SLC16A7: variants seen among roughly 807,000 people sequenced by gnomAD.
SLC16A7 encodes solute carrier family 16 member 7, also known as monocarboxylate transporter 2.
A neutral mutation model predicts 34.9 loss-of-function variants in SLC16A7; 33 were observed. The ratio of observed to expected loss-of-function variants is 0.94; its 90% CI spans 0.72 to 1.26. The LOEUF (loss-of-function observed/expected upper bound fraction) is 1.26. Among genes scored for constraint, SLC16A7 ranks in the 50% most tolerant of loss-of-function variants. The probability of loss-of-function intolerance (pLI) is 0.00; values close to 1 mark genes in which losing one functional copy is unlikely to be tolerated. For synonymous variants in SLC16A7, 201 were observed against 206.6 expected (o/e 0.97, Z 0.23); for missense variants, 573 against 578.1 (o/e 0.99, Z 0.09).
intron 2 of SLC16A7, among the ~76,000 whole-genome samples, chr12:59,675,882 GT>G (rs1345644058): frequency 6.6e-6 from 1 of 151,980 alleles, no homozygotes; most frequent in Non-Finnish European, 1.5e-5. Context: ...ACTATTATGT[GT>G]TTACTAGTTT....
At chr12:59,766,833 A>C (rs1023164306) in intron 3 of SLC16A7, among the ~76,000 whole-genome samples, 7 of 152,116 alleles carry the variant, frequency 4.6e-5, no homozygotes, top group Non-Finnish European at 1.0e-4. Context: ...TATCAGGATG[A>C]TGCTGGCCTC....
At chr12:59,706,065 A>G (rs1303049163) in intron 3 of SLC16A7, among the ~76,000 whole-genome samples, 1 of 152,174 alleles carries the variant, frequency 6.6e-6, no homozygotes, top group East Asian at 1.9e-4. Flanking sequence ...AAGGAAATAT[A>G]TACAATAGCT....
intron 1 of SLC16A7, among the ~76,000 whole-genome samples, chr12:59,612,936 C>T (rs558260694): frequency 6.6e-6 from 1 of 152,342 alleles, no homozygotes; most frequent in South Asian, 2.1e-4. Context: ...CTGTCTTCTT[C>T]TGAGCCCTCC....
chr12:59,714,331 G>A (rs896580223), intron 3 of SLC16A7, among the ~76,000 whole-genome samples: 2 of 152,224 alleles, frequency 1.3e-5, no homozygotes, highest in East Asian at 3.9e-4. Flanking sequence ...ATGCTACCAT[G>A]TTAGTCTGCT....
At position 59,723,883 on chromosome 12, in the gene SLC16A7, C is replaced by A. The variant is rs1324026695; in HGVS notation, c.217+18865C>A. Reference sequence around the variant, plus strand: ...TTTTTTGTTTCCATTGCCTTTTTTTCTTCCATGTGAGAAGTATATTCCCAC... The same window carrying A: ...TTTTTTGTTTCCATTGCCTTTTTTTATTCCATGTGAGAAGTATATTCCCAC... On this transcript the variant is annotated intron_variant, in intron 3 of 5. Coordinates refer to ENST00000547379, the MANE Select transcript of SLC16A7 (RefSeq NM_001270623.2). 2.0e-5 allele frequency among the ~76,000 whole-genome samples: 3 copies of A among 151,518 alleles called. No individual in the cohort carries two copies. The East Asian group carries it at 5.8e-4, about 29-fold the overall frequency.
chr12:59,747,378 G>A (rs973479774), intron 3 of SLC16A7, among the ~76,000 whole-genome samples: 15 of 152,116 alleles, frequency 9.9e-5, no homozygotes, highest in African/African-American at 3.1e-4. Context: ...AAAATATATT[G>A]TACAGAAAAT....
At chr12:59,710,125 G>C (rs1488291186) in intron 3 of SLC16A7, among the ~76,000 whole-genome samples, 2 of 151,596 alleles carry the variant, frequency 1.3e-5, no homozygotes, top group Admixed American at 6.6e-5. Flanking sequence ...ATGTACAAGT[G>C]CTACTCTATC....
At chr12:59,671,460 C>G (rs933304309) in intron 2 of SLC16A7, among the ~76,000 whole-genome samples, 1 of 151,990 alleles carries the variant, frequency 6.6e-6, no homozygotes, top group Non-Finnish European at 1.5e-5. Context: ...TTCTCATGCA[C>G]AACTGTGCAC....
chr12:59,771,727 T>C (rs1209825075), intron 4 of SLC16A7, among the ~76,000 whole-genome samples: 1 of 152,202 alleles, frequency 6.6e-6, no homozygotes, highest in Admixed American at 6.5e-5. Context: ...CTTATTTTCA[T>C]GACTTATCTG....
intron 2 of SLC16A7, chr12:59,689,297 C>G (rs1039833020): frequency 2.0e-5 from 3 of 151,940 alleles, no homozygotes; most frequent in African/African-American, 7.2e-5. Flanking sequence ...CTGAGACTAG[C>G]TGACAAAGTG....
At chr12:59,667,008 C>G (rs1869263494) in intron 2 of SLC16A7, among the ~76,000 whole-genome samples, 1 of 151,998 alleles carries the variant, frequency 6.6e-6, no homozygotes, top group African/African-American at 2.4e-5. Context: ...GCTGGGGAGG[C>G]CTTAGAATCA....
At chr12:59,656,377 A>G (rs543159359) in intron 2 of SLC16A7, among the ~76,000 whole-genome samples, 5 of 152,112 alleles carry the variant, frequency 3.3e-5, no homozygotes, top group African/African-American at 1.2e-4. Context: ...CATCACTAGG[A>G]TCCTTATAAA....
At chr12:59,650,537 C>G (rs1373530938) in intron 1 of SLC16A7, among the ~76,000 whole-genome samples, 3 of 152,046 alleles carry the variant, frequency 2.0e-5, no homozygotes, top group African/African-American at 4.8e-5. Context: ...GAGATGTTAC[C>G]ATTATCAAAG....
intron 2 of SLC16A7, among the ~76,000 whole-genome samples, chr12:59,656,462 G>A (rs1250527206): frequency 1.3e-5 from 2 of 151,928 alleles, no homozygotes; most frequent in Non-Finnish European, 2.9e-5. Context: ...GCAGCCAGAA[G>A]CCAAAGAATG....
chr12:59,627,155 C>T (rs1201636600), intron 1 of SLC16A7, among the ~76,000 whole-genome samples: 1 of 151,752 alleles, frequency 6.6e-6, no homozygotes, highest in African/African-American at 2.4e-5. Context: ...TTACAATGTG[C>T]TACGCTTTAT....
intron 1 of SLC16A7, among the ~76,000 whole-genome samples, chr12:59,642,231 C>T (rs1418159177): frequency 1.3e-5 from 2 of 151,946 alleles, no homozygotes; most frequent in Admixed American, 6.6e-5. Flanking sequence ...GACCCTCAGG[C>T]TTGGAATTCC....
intron 2 of SLC16A7, among the ~76,000 whole-genome samples, chr12:59,663,857 G>C (rs763896686): frequency 1.6e-4 from 25 of 151,918 alleles, no homozygotes; most frequent in East Asian, 1.9e-4. Flanking sequence ...TTATTACCTG[G>C]TTATTATTAT....
rs188802904 is a variant in SLC16A7, at chr12:59,783,049, G to A, written c.*3370G>A. On this transcript the variant is annotated 3_prime_UTR_variant, in exon 6 of 6. Transcript: ENST00000547379. ...GTACAACATGACAATCAAGAATATA[G>A]AAAAGAAGACTAAAAGATATATGAT... 6.6e-5 allele frequency: 10 copies of A among 152,134 alleles called. No individual in the cohort carries two copies. The highest frequency in any genetic ancestry group is 2.2e-4 in the African/African-American group (9 of 41,540). The allele number at this position is 152,134 out of a possible 1,614,324, so 9.4% of individuals were successfully genotyped here.
intron 3 of SLC16A7, among the ~76,000 whole-genome samples, chr12:59,716,348 CGA>C (rs1159966969): frequency 6.6e-6 from 1 of 152,014 alleles, no homozygotes; most frequent in Non-Finnish European, 1.5e-5. Flanking sequence ...AATAGAACTC[CGA>C]TCTACGTCAG....
Sources: allele counts gnomAD v4.1 joint callset (sites outside exome capture counted in the v4.1 genomes callset), GRCh38; gene constraint gnomAD v4.1.1; transcripts MANE v1.5; gene names NCBI Gene and HGNC (gene_info 2026-07-23, HGNC 2026-07-21).